The following DAB1 variants were observed in gnomAD, a reference collection of about 807,000 sequenced individuals.
DAB1 encodes the protein disabled homolog 1.
DAB1 carries 15 observed loss-of-function variants against 64.6 expected under a neutral mutation model. That is an observed-to-expected ratio of 0.23 (90% CI 0.16 to 0.36). DAB1 has a LOEUF of 0.36. DAB1 is among the 10% of genes least tolerant of loss of function. The probability of loss-of-function intolerance (pLI) is 1.00; values close to 1 mark genes in which losing one functional copy is unlikely to be tolerated. For missense variants in DAB1, 596 were observed against 706.7 expected (o/e 0.84, Z 1.78); for synonymous variants, 235 against 251.9 (o/e 0.93, Z 0.64).
chr1:58,056,557 C>T (rs750706241), intron 5 of DAB1: 3 of 817,454 alleles, frequency 3.7e-6, no homozygotes, highest in Non-Finnish European at 6.3e-6. Flanking sequence ...CACAACCTAA[C>T]TCCCCCATTT....
chr1:58,007,360 T>G (rs1411609270), intron 5 of DAB1, among the ~76,000 whole-genome samples: 1 of 152,244 alleles, frequency 6.6e-6, no homozygotes, highest in Non-Finnish European at 1.5e-5. Context: ...TGGAGACGGC[T>G]TTTGCAGCCA....
intron 2 of DAB1, among the ~76,000 whole-genome samples, chr1:57,161,860 A>AC (rs1400692894): frequency 6.6e-6 from 1 of 152,084 alleles, no homozygotes; most frequent in Non-Finnish European, 1.5e-5. Flanking sequence ...CAAAAAAAAA[A>AC]AAAAAGTTCA....
At chr1:57,941,570 C>T (rs867708069) in intron 5 of DAB1, among the ~76,000 whole-genome samples, 2 of 152,208 alleles carry the variant, frequency 1.3e-5, no homozygotes, top group East Asian at 1.9e-4. Flanking sequence ...GGCATGGTGG[C>T]TCACGCCTGT....
chr1:57,299,481 A>G (rs1405969460), intron 1 of DAB1, among the ~76,000 whole-genome samples: 2 of 152,222 alleles, frequency 1.3e-5, no homozygotes, highest in Non-Finnish European at 2.9e-5. Flanking sequence ...TTTTAGCAAC[A>G]TTAAACGAAT....
chr1:58,532,257 AACT>A (rs1646445295), intron 1 of DAB1, among the ~76,000 whole-genome samples: 1 of 152,210 alleles, frequency 6.6e-6, no homozygotes, highest in Non-Finnish European at 1.5e-5. Context: ...ACATATTAAT[AACT>A]ATGTTCTATT....
At chr1:57,483,918 G>C (rs1422155601) in intron 7 of DAB1, among the ~76,000 whole-genome samples, 2 of 152,128 alleles carry the variant, frequency 1.3e-5, no homozygotes, top group Non-Finnish European at 2.9e-5. Flanking sequence ...ATACTTTCTA[G>C]AGGTAAAATG....
At position 57,590,732 on chromosome 1, in the gene DAB1, C is replaced by T. The variant is rs1174717351; in HGVS notation, n.625+58860G>A. Among the ~76,000 whole-genome samples, 16 of 104,024 alleles carry T rather than the reference C, an allele frequency of 1.5e-4. 1 individual carries two copies. Among genetic ancestry groups the T allele is most frequent in the Admixed American group, 1.2e-3 (11 of 9,302 alleles). The allele number at this position is 104,024 out of a possible 152,430, so 68.2% of individuals were successfully genotyped here. A position where few individuals can be genotyped will look rare whatever the true frequency, so the allele number is the denominator to read the frequency against. Reference sequence around the variant, plus strand: ...GGGTGGGAAGGAACACATTGTAGTCCGTAACACACACACACACACACACAC... The same window carrying T: ...GGGTGGGAAGGAACACATTGTAGTCTGTAACACACACACACACACACACAC... On this transcript the variant is annotated intron_variant and non_coding_transcript_variant, in intron 7 of 20. Transcript: ENST00000485760.
At chr1:58,106,682 C>CA (rs1651659883) in intron 5 of DAB1, among the ~76,000 whole-genome samples, 1 of 152,126 alleles carries the variant, frequency 6.6e-6, no homozygotes, top group African/African-American at 2.4e-5. Context: ...AGATGTCTTC[C>CA]AGGAGAGAGG....
intron 5 of DAB1, among the ~76,000 whole-genome samples, chr1:58,016,585 C>T (rs966005158): frequency 1.3e-5 from 2 of 152,150 alleles, no homozygotes; most frequent in South Asian, 2.1e-4. Context: ...CCATACCTAT[C>T]CCTAGGTCTG....
At chr1:57,464,132 G>A (rs889312975) in intron 7 of DAB1, among the ~76,000 whole-genome samples, 3 of 152,044 alleles carry the variant, frequency 2.0e-5, no homozygotes, top group African/African-American at 7.2e-5. Flanking sequence ...GCTCTACATG[G>A]ATTTTCAAAT....
chr1:57,877,961 C>T (rs1644078776), intron 1 of DAB1, among the ~76,000 whole-genome samples: 1 of 152,130 alleles, frequency 6.6e-6, no homozygotes, highest in Non-Finnish European at 1.5e-5. Context: ...CCTTATTATC[C>T]TGCTATGTAG....
intron 4 of DAB1, among the ~76,000 whole-genome samples, chr1:57,087,415 G>C (rs917172657): frequency 6.6e-6 from 1 of 152,246 alleles, no homozygotes; most frequent in Non-Finnish European, 1.5e-5. Context: ...GTCACCAAGG[G>C]AGAAGGGGAG....
intron 5 of DAB1, among the ~76,000 whole-genome samples, chr1:58,014,720 A>G (rs1646714765): frequency 6.6e-6 from 1 of 152,248 alleles, no homozygotes. Flanking sequence ...CGATGGTGCC[A>G]GGCACATGGT....
intron 4 of DAB1, among the ~76,000 whole-genome samples, chr1:57,073,905 C>G (rs991906767): frequency 2.6e-5 from 4 of 152,204 alleles, no homozygotes; most frequent in Admixed American, 1.3e-4. Flanking sequence ...GAGACAGGGT[C>G]TCACCCTGTC....
At chr1:58,368,133 G>T (rs185407066) in intron 3 of DAB1, among the ~76,000 whole-genome samples, 1 of 152,282 alleles carries the variant, frequency 6.6e-6, no homozygotes, top group Admixed American at 6.5e-5. Context: ...CATTCTAGTA[G>T]GTAAGCAGAA....
chr1:57,572,952 T>A (rs1201456557), intron 7 of DAB1, among the ~76,000 whole-genome samples: 1 of 152,110 alleles, frequency 6.6e-6, no homozygotes, highest in East Asian at 1.9e-4. Context: ...CACCAAACCA[T>A]TAAGGATCCA....
At chr1:57,669,155 T>C (rs78525628) in intron 6 of DAB1, among the ~76,000 whole-genome samples, 3,423 of 152,204 alleles carry the variant, frequency 0.022, 50 homozygotes, top group Non-Finnish European at 0.04. Context: ...AAGTAACTGA[T>C]GCACAGGACT....
chr1:58,424,076 G>A (rs1016341645), intron 3 of DAB1, among the ~76,000 whole-genome samples: 1 of 152,164 alleles, frequency 6.6e-6, no homozygotes, highest in Admixed American at 6.5e-5. Flanking sequence ...GAGGTCTTCT[G>A]TCTCAGCAGA....
At chr1:57,207,654 C>T (rs534378873) in intron 2 of DAB1, among the ~76,000 whole-genome samples, 195 of 150,628 alleles carry the variant, frequency 1.3e-3, no homozygotes, top group Non-Finnish European at 2.4e-3. Context: ...CGTTTTTAGC[C>T]GGGATGGTCT....
Sources: allele counts gnomAD v4.1 joint callset (sites outside exome capture counted in the v4.1 genomes callset), GRCh38; gene constraint gnomAD v4.1.1; transcripts MANE v1.5; gene names NCBI Gene and HGNC (gene_info 2026-07-23, HGNC 2026-07-21).